Variants in B3GNT5 observed in about 807,000 individuals in gnomAD.
B3GNT5 encodes the protein lactosylceramide 1,3-N-acetyl-beta-D-glucosaminyltransferase.
In B3GNT5, 11 loss-of-function variants were observed where a neutral mutation model predicts 25.9. The observed-to-expected ratio is 0.42, with a 90% CI of 0.27 to 0.70. B3GNT5 has a LOEUF of 0.70. B3GNT5 is among the 30% of genes least tolerant of loss of function. The pLI, the probability that B3GNT5 is intolerant of heterozygous loss-of-function variation, is 0.23. For missense variants in B3GNT5, 385 were observed against 458.4 expected (o/e 0.84, Z 1.46); for synonymous variants, 166 against 158.6 (o/e 1.05, Z -0.35).
intron 1 of B3GNT5, among the ~76,000 whole-genome samples, chr3:183,261,503 A>G (rs1725580595): frequency 6.6e-6 from 1 of 152,190 alleles, no homozygotes; most frequent in African/African-American, 2.4e-5. Flanking sequence ...GAGGATATAA[A>G]GGAAATTTTT....
chr3:183,271,816 T>A lies in B3GNT5; in HGVS notation c.*881T>A. ...TTTGAATGTAATTTACATAGAGGAATATAATAATGGAGAGACTTCAAATGG... is the reference window on the plus strand; with the variant it reads ...TTTGAATGTAATTTACATAGAGGAAAATAATAATGGAGAGACTTCAAATGG... On this transcript the variant is annotated 3_prime_UTR_variant, in exon 2 of 2. Coordinates refer to ENST00000326505, the MANE Select transcript of B3GNT5 (RefSeq NM_032047.5). The A allele has an allele frequency of 6.0e-6, 1 of 167,158 alleles. No individual in the cohort carries two copies. The allele number at this position is 167,158 out of a possible 1,614,324, so 10.4% of individuals were successfully genotyped here.
chr3:183,261,064 TA>T (rs1305718596), intron 1 of B3GNT5, among the ~76,000 whole-genome samples: 1 of 152,244 alleles, frequency 6.6e-6, no homozygotes, highest in East Asian at 1.9e-4. Context: ...TGTTTCACCT[TA>T]AAATGTGAGT....
Position 183,272,224 on chromosome 3 carries a change from G to T in B3GNT5, c.*1289G>T, listed in dbSNP as rs977939946. 12 of 999,816 alleles carry T rather than the reference G, an allele frequency of 1.2e-5. No homozygotes were observed. Among genetic ancestry groups the T allele is most frequent in the Non-Finnish European group, 1.4e-5 (12 of 829,844 alleles). The allele number at this position is 999,816 out of a possible 1,614,324, so 61.9% of individuals were successfully genotyped here. ...TAAGTTACATTTATTTTACAAAGCA[G>T]GATAAAAATGTGGCTATAATACACA... On this transcript the variant is annotated 3_prime_UTR_variant, in exon 2 of 2. Coordinates refer to ENST00000326505, the MANE Select transcript of B3GNT5 (RefSeq NM_032047.5).
intron 1 of B3GNT5, among the ~76,000 whole-genome samples, chr3:183,262,055 G>C (rs2108420743): frequency 6.9e-6 from 1 of 145,142 alleles, no homozygotes; most frequent in East Asian, 2.0e-4. Flanking sequence ...AAAGGAATGA[G>C]GAATGCATAT....
intron 1 of B3GNT5, among the ~76,000 whole-genome samples, chr3:183,266,719 C>A (rs988514266): frequency 7.2e-5 from 11 of 152,130 alleles, no homozygotes; most frequent in Non-Finnish European, 1.2e-4. Flanking sequence ...AGCATTCAGT[C>A]CAGAAATGAC....
intron 1 of B3GNT5, among the ~76,000 whole-genome samples, chr3:183,258,643 C>G (rs1003695028): frequency 6.6e-6 from 1 of 152,110 alleles, no homozygotes; most frequent in East Asian, 1.9e-4. Context: ...AGGACACCAC[C>G]CCCCCGCCCC....
At chr3:183,258,956 T>C (rs1031361874) in intron 1 of B3GNT5, among the ~76,000 whole-genome samples, 1 of 152,198 alleles carries the variant, frequency 6.6e-6, no homozygotes, top group Non-Finnish European at 1.5e-5. Flanking sequence ...ATGTAAACAA[T>C]TGTTACACGG....
At position 183,272,522 on chromosome 3, in the gene B3GNT5, AT is replaced by A. The variant is rs1350633862; in HGVS notation, c.*1594del. The A allele has an allele frequency of 1.0e-6, 1 of 993,842 alleles. No individual in the cohort carries two copies. Among genetic ancestry groups the A allele is most frequent in the African/African-American group, 1.8e-5 (1 of 57,062 alleles). 61.6% of individuals were successfully genotyped at this position (993,842 alleles called of 1,614,324 possible). On this transcript the variant is annotated 3_prime_UTR_variant, in exon 2 of 2. Transcript: ENST00000326505. ...CTTTTTAATGTTTACAGAAATTTTA[AT>A]TTTTTTCTATTTTGAAATTTGAGGC...
At chr3:183,254,949 C>T (rs1724901791) in intron 1 of B3GNT5, among the ~76,000 whole-genome samples, 1 of 152,198 alleles carries the variant, frequency 6.6e-6, no homozygotes, top group African/African-American at 2.4e-5. Context: ...TAACAGTTTT[C>T]AACTCGACTC....
chr3:183,266,698 C>G (rs1486402949), intron 1 of B3GNT5, among the ~76,000 whole-genome samples: 1 of 152,180 alleles, frequency 6.6e-6, no homozygotes, highest in African/African-American at 2.4e-5. Flanking sequence ...GTCTTTCTCA[C>G]CTTCCTCTAG....
chr3:183,267,325 G>A lies in B3GNT5; in HGVS notation c.-301-2173G>A, dbSNP rs1045195927. Among the ~76,000 whole-genome samples the A allele has an allele frequency of 1.3e-5, 2 of 152,260 alleles. No individual in the cohort carries two copies. The highest frequency in any genetic ancestry group is 4.8e-5 in the African/African-American group (2 of 41,474). On this transcript the variant is annotated intron_variant, in intron 1 of 1. Coordinates refer to ENST00000326505, the MANE Select transcript of B3GNT5 (RefSeq NM_032047.5). This position sits in a 1 kb window ranked among gnomAD's most constrained non-coding sequence, Gnocchi z 5.5. ...GATTATCTCTGGACAAAGTCTGAATGGGGCTTGGCTCTAATCTCTAGTCCT... is the reference window on the plus strand; with the variant it reads ...GATTATCTCTGGACAAAGTCTGAATAGGGCTTGGCTCTAATCTCTAGTCCT...
intron 1 of B3GNT5, among the ~76,000 whole-genome samples, chr3:183,257,427 T>C (rs975571596): frequency 6.6e-6 from 1 of 152,226 alleles, no homozygotes; most frequent in Non-Finnish European, 1.5e-5. Flanking sequence ...ATCCTGCCCA[T>C]GGCCTACTAC....
chr3:183,272,214 T>C lies in B3GNT5; in HGVS notation c.*1279T>C. The C allele has an allele frequency of 1.0e-6, 1 of 999,974 alleles. No individual in the cohort carries two copies. Among genetic ancestry groups the C allele is most frequent in the Middle Eastern group, 5.2e-4 (1 of 1,916 alleles). The allele number at this position is 999,974 out of a possible 1,614,324, so 61.9% of individuals were successfully genotyped here. ...TCTAATAGAGTAAGTTACATTTATT[T>C]TACAAAGCAGGATAAAAATGTGGCT... On this transcript the variant is annotated 3_prime_UTR_variant, in exon 2 of 2. Coordinates refer to ENST00000326505, the MANE Select transcript of B3GNT5 (RefSeq NM_032047.5).
chr3:183,267,943 C>G lies in B3GNT5; in HGVS notation c.-301-1555C>G, dbSNP rs1052562666. Among the ~76,000 whole-genome samples, 6 of 152,322 alleles carry G rather than the reference C, an allele frequency of 3.9e-5. No homozygotes were observed. Among genetic ancestry groups the G allele is most frequent in the Middle Eastern group, 3.4e-3 (1 of 294 alleles). On this transcript the variant is annotated intron_variant, in intron 1 of 1. Transcript: ENST00000326505. The surrounding 1 kb of genome is among the most constrained non-coding windows in gnomAD (Gnocchi z 5.5). ...GGGAATGCCTACCAGGGGTCACACA[C>G]TGAGCTGGATGCTGAGTGTAGGGTG...
intron 1 of B3GNT5, among the ~76,000 whole-genome samples, chr3:183,261,374 G>A (rs960264574): frequency 3.3e-5 from 5 of 152,194 alleles, no homozygotes; most frequent in African/African-American, 1.2e-4. Context: ...GCAGCATAAA[G>A]ATGGTACAGA....
chr3:183,268,054 G>C (rs1726331923), intron 1 of B3GNT5, among the ~76,000 whole-genome samples: 1 of 152,158 alleles, frequency 6.6e-6, no homozygotes, highest in South Asian at 2.1e-4. Context: ...CATCTTTCAG[G>C]GAATGGGTTG....
At chr3:183,257,267 C>A (rs1187835549) in intron 1 of B3GNT5, among the ~76,000 whole-genome samples, 1 of 152,174 alleles carries the variant, frequency 6.6e-6, no homozygotes, top group Non-Finnish European at 1.5e-5. Context: ...GCACAGTATA[C>A]ATCTACTTTT....
Position 183,271,629 on chromosome 3 carries a change from ATTTT to A in B3GNT5, c.*700_*703del, listed in dbSNP as rs200010970. 1.8e-5 allele frequency: 3 copies of A among 166,392 alleles called. No homozygotes were observed. The highest frequency in any genetic ancestry group is 6.6e-5 in the Admixed American group (1 of 15,198). The allele number at this position is 166,392 out of a possible 1,614,324, so 10.3% of individuals were successfully genotyped here. On this transcript the variant is annotated 3_prime_UTR_variant, in exon 2 of 2. Transcript: ENST00000326505. ...CTAATACTTTATATGTTTTTAATGG[ATTTT>A]TTTTTAAGTATTAGAAAATGACACA... is the stretch of plus-strand genomic sequence containing the variant.
chr3:183,262,323 C>A (rs1195096434), intron 1 of B3GNT5, among the ~76,000 whole-genome samples: 1 of 151,870 alleles, frequency 6.6e-6, no homozygotes, highest in African/African-American at 2.4e-5. Flanking sequence ...AATATTCAGC[C>A]CCCAGCAGGC....
Sources: gnomAD v4.1 joint callset for allele counts (sites outside exome capture counted in the v4.1 genomes callset) on GRCh38, gnomAD v4.1.1 for gene constraint, Gnocchi (gnomAD v3.1) non-coding constraint, MANE v1.5 for transcripts, NCBI Gene and HGNC (gene_info 2026-07-23, HGNC 2026-07-21) for gene names.